The following MTX2 variants were observed in gnomAD, a reference collection of about 807,000 sequenced individuals.
MTX2 encodes metaxin 2, also known as metaxin-2.
A neutral mutation model predicts 42.3 loss-of-function variants in MTX2; 35 were observed. The observed-to-expected ratio is 0.83, with a 90% CI of 0.63 to 1.10. The LOEUF is 1.10. Among genes scored for constraint, MTX2 ranks in the 50% least tolerant of loss-of-function variants. MTX2 has a pLI of 0.00. For synonymous variants in MTX2, 119 were observed against 100.9 expected (o/e 1.18, Z -1.08); for missense variants, 307 against 304.1 (o/e 1.01, Z -0.07).
intron 1 of MTX2, among the ~76,000 whole-genome samples, chr2:176,292,023 T>G (rs191884786): frequency 5.9e-5 from 9 of 152,334 alleles, no homozygotes; most frequent in African/African-American, 1.7e-4. Flanking sequence ...CACATAACTA[T>G]TGATGTGTCT....
rs1041155041 is a variant in MTX2 at position 176,329,076 on chromosome 2, C to T, written c.417+164C>T. ...GCTTGCACATAACATTTTAGGGAAGCTATGTGTCATTGTTTGATATAACGG... is the reference window on the plus strand; with the variant it reads ...GCTTGCACATAACATTTTAGGGAAGTTATGTGTCATTGTTTGATATAACGG... On this transcript the variant is annotated intron_variant, in intron 7 of 9. Transcript: ENST00000249442. 2.0e-5 allele frequency among the ~76,000 whole-genome samples: 3 copies of T among 151,126 alleles called. No individual in the cohort carries two copies. In the Admixed American group the frequency reaches 2.0e-4, roughly 10 times the overall value.
In MTX2 at chr2:176,269,472, G is replaced by T. The variant is rs1446775027; in HGVS notation, c.-158G>T. 2.6e-6 allele frequency: 2 copies of T among 761,394 alleles called. No individual in the cohort carries two copies. Among genetic ancestry groups the T allele is most frequent in the African/African-American group, 3.7e-5 (2 of 53,858 alleles). The allele number at this position is 761,394 out of a possible 1,614,324, so 47.2% of individuals were successfully genotyped here. ...TAGCCAGGCCTGGCGGTAACCTTGG[G>T]GGCCTCACTGCAGCCGCCGCTGCTG... On this transcript the variant is annotated 5_prime_UTR_variant, in exon 1 of 10. Transcript: ENST00000249442.
intron 8 of MTX2, among the ~76,000 whole-genome samples, chr2:176,329,755 G>A (rs531830207): frequency 6.8e-6 from 1 of 146,482 alleles, no homozygotes; most frequent in Non-Finnish European, 1.5e-5. Context: ...GCCTGCTACT[G>A]TATAACCTGA....
chr2:176,330,424 TTA>T (rs759179199), intron 8 of MTX2, among the ~76,000 whole-genome samples, 158 bp from the exon 9 acceptor site: 3 of 149,720 alleles, frequency 2.0e-5, no homozygotes, highest in South Asian at 2.1e-4. Context: ...ATAGAAAGTA[TTA>T]TATATATATG....
chr2:176,286,491 G>C (rs902247138), intron 1 of MTX2, among the ~76,000 whole-genome samples: 1 of 150,862 alleles, frequency 6.6e-6, no homozygotes, highest in Non-Finnish European at 1.5e-5. Flanking sequence ...AGGGTATTAA[G>C]ACCCATCTGC....
intron 1 of MTX2, among the ~76,000 whole-genome samples, chr2:176,292,151 A>G (rs909089297): frequency 1.3e-5 from 2 of 151,984 alleles, no homozygotes; most frequent in African/African-American, 2.4e-5. Flanking sequence ...AGAAACTTTC[A>G]GTCTCACCTT....
At chr2:176,290,206 A>G (rs911636293) in intron 1 of MTX2, among the ~76,000 whole-genome samples, 8 of 152,108 alleles carry the variant, frequency 5.3e-5, no homozygotes, top group Non-Finnish European at 1.2e-4. Flanking sequence ...GCAAAGTCAC[A>G]AAGATGAGAA....
intron 3 of MTX2, among the ~76,000 whole-genome samples, chr2:176,309,734 T>C (rs1684249887): frequency 2.7e-5 from 4 of 149,882 alleles, no homozygotes; most frequent in Admixed American, 2.0e-4. Context: ...TTTTTTTTTT[T>C]TTTTTTGCCT....
intron 2 of MTX2, 82 bp from the exon 3 acceptor site, chr2:176,297,767 T>C: frequency 1.1e-6 from 1 of 897,168 alleles, no homozygotes; most frequent in Admixed American, 2.7e-5. Flanking sequence ...GGCGATACCT[T>C]TGAATAAATA....
intron 3 of MTX2, among the ~76,000 whole-genome samples, chr2:176,316,273 C>T (rs1353811594): frequency 1.3e-5 from 2 of 152,146 alleles, no homozygotes; most frequent in Non-Finnish European, 2.9e-5. Context: ...TTGCATTTGG[C>T]ATATGTCATC....
At chr2:176,333,058 C>T (rs568628293) in intron 9 of MTX2, among the ~76,000 whole-genome samples, 34 of 151,334 alleles carry the variant, frequency 2.2e-4, no homozygotes, top group South Asian at 6.2e-4. Flanking sequence ...AGTAGATAAC[C>T]AACAGGAATG....
At chr2:176,319,725 A>G (rs746784028) in intron 3 of MTX2, among the ~76,000 whole-genome samples, 2 of 151,846 alleles carry the variant, frequency 1.3e-5, no homozygotes, top group African/African-American at 2.4e-5. Context: ...ACAGGCACAC[A>G]CCACCACGCC....
chr2:176,307,503 A>G (rs1194480044), intron 3 of MTX2, among the ~76,000 whole-genome samples: 1 of 152,156 alleles, frequency 6.6e-6, no homozygotes, highest in Non-Finnish European at 1.5e-5. Context: ...CAGTATGGCC[A>G]TTTTCACGAT....
chr2:176,324,805 A>G (rs1684671646), intron 4 of MTX2, among the ~76,000 whole-genome samples: 1 of 151,778 alleles, frequency 6.6e-6, no homozygotes, highest in South Asian at 2.1e-4. Flanking sequence ...ATTCTTTCAT[A>G]GGAGTCTCCT....
rs190126427 is a variant in MTX2 at position 176,295,678 on chromosome 2, A to G, written c.41-1182A>G. Among the ~76,000 whole-genome samples the G allele has an allele frequency of 1.2e-3, 179 of 152,298 alleles. 1 individual carries two copies. The Middle Eastern group carries it at 0.014, about 12-fold the overall frequency. Reference sequence around the variant, plus strand: ...CACATTTGTTATTTATTGTAATAATACTGTGTTTTTCTTTTTATTCTAAAG... The same window carrying G: ...CACATTTGTTATTTATTGTAATAATGCTGTGTTTTTCTTTTTATTCTAAAG... On this transcript the variant is annotated intron_variant, in intron 1 of 9. Coordinates refer to ENST00000249442, the MANE Select transcript of MTX2 (RefSeq NM_006554.5).
chr2:176,336,495 A>G (rs1181220192), intron 9 of MTX2, among the ~76,000 whole-genome samples: 1 of 152,152 alleles, frequency 6.6e-6, no homozygotes, highest in Non-Finnish European at 1.5e-5. Flanking sequence ...TTGTTTATGC[A>G]TCTATTAAAA....
intron 3 of MTX2, among the ~76,000 whole-genome samples, chr2:176,299,653 G>T (rs1558932286): frequency 3.3e-5 from 5 of 152,066 alleles, no homozygotes; most frequent in Non-Finnish European, 2.9e-5. Context: ...TAGTAGCCAT[G>T]ACTATAAATG....
At chr2:176,310,656 A>G (rs1216858750) in intron 3 of MTX2, among the ~76,000 whole-genome samples, 1 of 152,062 alleles carries the variant, frequency 6.6e-6, no homozygotes, top group Non-Finnish European at 1.5e-5. Context: ...TTGATCTTCG[A>G]TCACTGATAC....
chr2:176,331,595 A>AT (rs1346250774), intron 9 of MTX2, among the ~76,000 whole-genome samples: 1 of 151,186 alleles, frequency 6.6e-6, no homozygotes, highest in East Asian at 1.9e-4. Context: ...TAACACAAGT[A>AT]ATATATACAT....
Sources: gnomAD v4.1 joint callset for allele counts (sites outside exome capture counted in the v4.1 genomes callset) on GRCh38, gnomAD v4.1.1 for gene constraint, MANE v1.5 for transcripts, NCBI Gene and HGNC (gene_info 2026-07-23, HGNC 2026-07-21) for gene names.